CLK4: variants seen among roughly 807,000 people sequenced by gnomAD.
CLK4 encodes the protein CDC like kinase 4, also known as dual specificity protein kinase CLK4.
Under a neutral mutation model 64.4 loss-of-function variants are expected in CLK4, and 37 were observed. That is an observed-to-expected ratio of 0.57 (90% CI 0.44 to 0.76). The LOEUF (loss-of-function observed/expected upper bound fraction) is 0.76. Among genes scored for constraint, CLK4 ranks in the 30% least tolerant of loss-of-function variants. CLK4 has a pLI of 0.00. For synonymous variants in CLK4, 175 were observed against 191.6 expected (o/e 0.91, Z 0.72); for missense variants, 457 against 605.1 (o/e 0.76, Z 2.57).
rs372298179 is a variant in CLK4 at position 178,626,050 on chromosome 5, TA to T, written c.-1+895del. Among the ~76,000 whole-genome samples the T allele has an allele frequency of 3.5e-3, 536 of 152,324 alleles. 1 individual carries two copies. Among genetic ancestry groups the T allele is most frequent in the African/African-American group, 0.011 (458 of 41,576 alleles). On this transcript the variant is annotated intron_variant, in intron 1 of 12. Transcript: ENST00000316308. The stretch of plus-strand genomic sequence containing the variant: ...TATGTAGATCCATCGCCACTGCCCT[TA>T]AGATCCTGTAGTTCTTGACAACTTT...
chr5:178,608,514 C>T lies in CLK4; in HGVS notation c.1052-56G>A, dbSNP rs191653265. 8 of 1,316,722 alleles carry T rather than the reference C, an allele frequency of 6.1e-6. No individual in the cohort carries two copies. In the Admixed American group the frequency reaches 1.2e-4, roughly 19 times the overall value. The allele number at this position is 1,316,722 out of a possible 1,614,324, so 81.6% of individuals were successfully genotyped here. On this transcript the variant is annotated intron_variant, in intron 9 of 12. Coordinates refer to ENST00000316308, the MANE Select transcript of CLK4 (RefSeq NM_020666.3). ...ATGCAAAAACTTTTAATTGACAGTA[C>T]ATTAAATCCTTCCCTATATGAGTGC...
At chr5:178,608,653 CACAGTATTCTAACTAG>C (rs1399371701) in intron 9 of CLK4, among the ~76,000 whole-genome samples, 195 bp from the exon 10 acceptor site, 2 of 152,132 alleles carry the variant, frequency 1.3e-5, no homozygotes, top group Non-Finnish European at 2.9e-5. Context: ...CACATCAAGA[CACAGTATTCTAACTAG>C]GGAGGGGTGC....
rs147996509 is a variant in CLK4, at chr5:178,623,379, T to C, written c.38A>G (p.Asp13Gly). The C allele has an allele frequency of 7.6e-5, 122 of 1,614,074 alleles. No individual in the cohort carries two copies. The African/African-American group carries it at 1.5e-3, about 20-fold the overall frequency. Residue 13 changes from aspartate (D) to glycine (G), a missense_variant, in exon 2 of 13, where the codon GAT becomes GGT. Physicochemically the swap from Asp to Gly is moderately conservative, Grantham distance 94. Coordinates refer to ENST00000316308, the MANE Select transcript of CLK4 (RefSeq NM_020666.3). ...HSKRTHCPDW[D>G]SRESWGHESY... Reference sequence around the variant, plus strand: ...TTCATGTCCCCAGCTTTCTCTGCTATCCCAATCAGGACAGTGAGTTCTTTT... The same window carrying C: ...TTCATGTCCCCAGCTTTCTCTGCTACCCCAATCAGGACAGTGAGTTCTTTT...
chr5:178,604,856 G>A (rs1448831007), intron 11 of CLK4: 1 of 152,666 alleles, frequency 6.6e-6, no homozygotes, highest in Non-Finnish European at 1.5e-5. Flanking sequence ...ATGGCCTAGT[G>A]CAGTGACTCA....
At chr5:178,605,707 A>G in intron 10 of CLK4, 1 of 176,686 alleles carries the variant, frequency 5.7e-6, no homozygotes, top group African/African-American at 2.3e-5. Flanking sequence ...ATACTACCTC[A>G]AAGTCATATA....
chr5:178,616,657 G>A (rs987047597), intron 5 of CLK4, among the ~76,000 whole-genome samples: 1 of 152,092 alleles, frequency 6.6e-6, no homozygotes, highest in African/African-American at 2.4e-5. Flanking sequence ...CTAGCTAGGT[G>A]TGGTGGCAGG....
chr5:178,606,077 G>A (rs570510894), intron 10 of CLK4, among the ~76,000 whole-genome samples: 1 of 152,134 alleles, frequency 6.6e-6, no homozygotes, highest in Non-Finnish European at 1.5e-5. Flanking sequence ...CTTCCAAATC[G>A]TTGTGATACA....
intron 11 of CLK4, chr5:178,604,239 C>T (rs1254199134): frequency 5.1e-6 from 1 of 195,012 alleles, no homozygotes. Context: ...TAGAATGGGG[C>T]TGGAAATCTT....
rs114633603 is a variant in CLK4, at chr5:178,607,236, T to C, written c.1134+1140A>G. On this transcript the variant is annotated intron_variant, in intron 10 of 12. Transcript: ENST00000316308. ...TTTTGGAATCCACTGACTTCTAGGA[T>C]CAAACCAATACCTTGCGAAGTCTTT... is the stretch of plus-strand genomic sequence containing the variant. Among the ~76,000 whole-genome samples, 1,104 of 152,128 alleles carry C rather than the reference T, an allele frequency of 7.3e-3. 15 individuals carry two copies. The highest frequency in any genetic ancestry group is 0.025 in the African/African-American group (1,054 of 41,520).
chr5:178,613,726 C>G lies in CLK4; in HGVS notation c.659+1G>C, dbSNP rs562424003. 6.2e-7 allele frequency: 1 copy of G among 1,610,718 alleles called. No homozygotes were observed. The highest frequency in any genetic ancestry group is 1.1e-5 in the South Asian group (1 of 90,628). On this transcript the variant is annotated splice_donor_variant, in intron 6 of 12. Transcript: ENST00000316308. LOFTEE classifies it high-confidence loss of function. ...GGCTCCTAGGTGAAAGTTATACTTA[C>G]AAGACACTATTGGGATCAGTACTAT...
rs749028378 is a variant in CLK4 at position 178,612,812 on chromosome 5, T to C, written c.905A>G (p.Lys302Arg). Residue 302 changes from lysine (K) to arginine (R), a missense_variant, in exon 8 of 13, where the codon AAA becomes AGA. Coordinates refer to ENST00000316308, the MANE Select transcript of CLK4 (RefSeq NM_020666.3). ...TTAACTTACCATTTTAGAATTATAT[T>C]TGACTACATAGTCAGACTTCACAAA... ...ILFVKSDYVV[K>R]YNSKMKRDER... The C allele has an allele frequency of 6.5e-7, 1 of 1,547,756 alleles. No homozygotes were observed. The highest frequency in any genetic ancestry group is 1.1e-5 in the South Asian group (1 of 87,434).
chr5:178,607,802 G>C (rs180827344), intron 10 of CLK4, among the ~76,000 whole-genome samples: 1 of 151,228 alleles, frequency 6.6e-6, no homozygotes, highest in Non-Finnish European at 1.5e-5. Context: ...GAGCTACCCC[G>C]CCTGGCCCTC....
At chr5:178,618,810 C>A (rs965418949) in intron 2 of CLK4, 32 bp from the exon 3 acceptor site, 2 of 1,539,486 alleles carry the variant, frequency 1.3e-6, no homozygotes, top group Non-Finnish European at 1.8e-6. Context: ...TCAAATTATT[C>A]TCTTCATTCT....
At position 178,617,824 on chromosome 5, in the gene CLK4, T is replaced by G. The variant is rs770497334; in HGVS notation, c.385-390A>C. 1.2e-4 allele frequency: 19 copies of G among 154,318 alleles called. No individual in the cohort carries two copies. Among genetic ancestry groups the G allele is most frequent in the Non-Finnish European group, 2.7e-4 (19 of 69,512 alleles). 9.6% of individuals were successfully genotyped at this position (154,318 alleles called of 1,614,324 possible). A position where few individuals can be genotyped will look rare whatever the true frequency, so the allele number is the denominator to read the frequency against. On this transcript the variant is annotated intron_variant, in intron 3 of 12. Transcript: ENST00000316308. The surrounding 1 kb of genome is among the most constrained non-coding windows in gnomAD (Gnocchi z 5.2). ...GATGTCTAGTTTTTCAGAAAAATGT[T>G]TTAAAATGTCAAGACTATTTGAAAT... is the stretch of plus-strand genomic sequence containing the variant.
At chr5:178,625,812 A>G (rs1416350759) in intron 1 of CLK4, among the ~76,000 whole-genome samples, 1 of 152,238 alleles carries the variant, frequency 6.6e-6, no homozygotes, top group Non-Finnish European at 1.5e-5. Flanking sequence ...TTCAGCTGTT[A>G]GTCCCAGCCT....
chr5:178,623,365 A>G lies in CLK4; in HGVS notation c.52T>C (p.Trp18Arg), dbSNP rs1308215285. ...HCPDWDSRES[W>R]GHESYRGSHK... Reference sequence around the variant, plus strand: ...CTTCCACGATAGCTTTCATGTCCCCAGCTTTCTCTGCTATCCCAATCAGGA... The same window carrying G: ...CTTCCACGATAGCTTTCATGTCCCCGGCTTTCTCTGCTATCCCAATCAGGA... The change falls in exon 2 of 13, where the codon TGG (tryptophan) becomes CGG (arginine). Residue 18 changes from tryptophan to arginine, a missense_variant. By Grantham distance (101) the Trp-to-Arg change is moderately radical. Transcript: ENST00000316308. The G allele has an allele frequency of 3.7e-6, 6 of 1,613,998 alleles. No individual in the cohort carries two copies. The highest frequency in any genetic ancestry group is 1.3e-5 in the African/African-American group (1 of 74,908).
chr5:178,621,408 G>A (rs1164210631), intron 2 of CLK4, among the ~76,000 whole-genome samples: 1 of 152,112 alleles, frequency 6.6e-6, no homozygotes, highest in Non-Finnish European at 1.5e-5. Context: ...TAGAAAGGGA[G>A]ACCAATTCAC....
At chr5:178,611,541 C>T (rs13155255) in intron 9 of CLK4, among the ~76,000 whole-genome samples, 47,785 of 152,064 alleles carry the variant, frequency 0.31, 9,376 homozygotes, top group Non-Finnish European at 0.45. Context: ...GGAACATTTC[C>T]GTCATCAAGG....
chr5:178,615,114 G>T (rs1214796268), intron 5 of CLK4, among the ~76,000 whole-genome samples: 1 of 152,140 alleles, frequency 6.6e-6, no homozygotes. Context: ...ACTATGGGAG[G>T]CTGAGGCAGA....
Sources: allele counts gnomAD v4.1 joint callset (sites outside exome capture counted in the v4.1 genomes callset), GRCh38; gene constraint gnomAD v4.1.1; non-coding constraint Gnocchi (gnomAD v3.1); transcripts MANE v1.5; gene names NCBI Gene and HGNC (gene_info 2026-07-23, HGNC 2026-07-21).